The following RARB variants were observed in gnomAD, a reference collection of about 807,000 sequenced individuals.
RARB encodes HBV-activated protein.
A neutral mutation model predicts 51.9 loss-of-function variants in RARB; 17 were observed. The observed-to-expected ratio is 0.33, with a 90% CI of 0.22 to 0.49. The LOEUF (loss-of-function observed/expected upper bound fraction) is 0.49. RARB is among the 20% of genes least tolerant of loss of function. The pLI is 0.99. For missense variants in RARB, 369 were observed against 550.8 expected (o/e 0.67, Z 3.30); for synonymous variants, 215 against 195.4 (o/e 1.10, Z -0.84).
intron 5 of RARB, among the ~76,000 whole-genome samples, chr3:25,384,369 T>C (rs140305564): frequency 2.5e-4 from 38 of 152,320 alleles, no homozygotes; most frequent in African/African-American, 8.7e-4. Context: ...TATTAACCGA[T>C]AGGGTGGAAT....
chr3:25,268,229 C>A (rs1283588779), intron 5 of RARB, among the ~76,000 whole-genome samples: 1 of 151,880 alleles, frequency 6.6e-6, no homozygotes. Context: ...TACTTTTTTT[C>A]TTTTTTTAGG....
intron 2 of RARB, among the ~76,000 whole-genome samples, chr3:24,885,950 A>G (rs1310482732): frequency 1.3e-5 from 2 of 152,176 alleles, no homozygotes; most frequent in Non-Finnish European, 2.9e-5. Context: ...CTCATATATT[A>G]TACTGTACTT....
chr3:25,033,833 C>T (rs1460227771), intron 2 of RARB, among the ~76,000 whole-genome samples: 3 of 152,178 alleles, frequency 2.0e-5, no homozygotes, highest in Non-Finnish European at 2.9e-5. Flanking sequence ...TATTTGTTAG[C>T]TTAAATCTCC....
chr3:25,593,388 G>A lies in RARB; in HGVS notation c.787-115G>A, dbSNP rs1479442353. 1.7e-5 allele frequency: 16 copies of A among 950,222 alleles called. No homozygotes were observed. In the South Asian group the frequency reaches 2.1e-4, roughly 12 times the overall value. 58.9% of individuals were successfully genotyped at this position (950,222 alleles called of 1,614,324 possible). On this transcript the variant is annotated intron_variant, in intron 5 of 7. Transcript: ENST00000330688. Reference sequence around the variant, plus strand: ...GAAGACATTCAACATGTGAAAGGGGGACAGACTGCCCCAAGAGCTCCTTGG... The same window carrying A: ...GAAGACATTCAACATGTGAAAGGGGAACAGACTGCCCCAAGAGCTCCTTGG...
At chr3:24,851,751 C>T (rs1251160781) in intron 1 of RARB, among the ~76,000 whole-genome samples, 1 of 152,186 alleles carries the variant, frequency 6.6e-6, no homozygotes, top group African/African-American at 2.4e-5. Flanking sequence ...CTTTGATTGT[C>T]ATAAATATCT....
intron 5 of RARB, among the ~76,000 whole-genome samples, chr3:25,401,117 A>T (rs1427418761): frequency 1.3e-5 from 2 of 152,190 alleles, no homozygotes; most frequent in Admixed American, 1.3e-4. Flanking sequence ...ATGGTGCCAG[A>T]AAGACAAAAC....
intron 2 of RARB, among the ~76,000 whole-genome samples, chr3:24,958,255 GTTTTTTTT>G (rs71057692): frequency 1.6e-4 from 11 of 69,444 alleles, no homozygotes; most frequent in Admixed American, 2.2e-4. Flanking sequence ...AGCTGCTCAG[GTTTTTTTT>G]TTTTTTTTTT....
chr3:25,171,643 TAAAAAA>T (rs770248970), intron 4 of RARB, among the ~76,000 whole-genome samples: 9 of 45,462 alleles, frequency 2.0e-4, no homozygotes, highest in Non-Finnish European at 3.2e-4. Flanking sequence ...CCCTGGTTGG[TAAAAAA>T]AAAAAAAAAA....
chr3:25,413,106 A>G (rs1055953899), intron 5 of RARB, among the ~76,000 whole-genome samples: 11 of 152,168 alleles, frequency 7.2e-5, no homozygotes, highest in African/African-American at 2.7e-4. Context: ...AATCCTGACT[A>G]AAACATAACC....
intron 5 of RARB, among the ~76,000 whole-genome samples, chr3:25,330,772 T>C (rs1029705831): frequency 2.6e-5 from 4 of 151,970 alleles, no homozygotes; most frequent in African/African-American, 9.7e-5. Context: ...GAGACCCATC[T>C]CACGTGCAGA....
intron 5 of RARB, among the ~76,000 whole-genome samples, chr3:25,376,351 C>G (rs59064731): frequency 0.041 from 6,225 of 152,236 alleles, 143 homozygotes; most frequent in Middle Eastern, 0.065. Context: ...GGACACAAGT[C>G]CAATTTGTCT....
At chr3:25,008,937 C>T (rs765698662) in intron 2 of RARB, among the ~76,000 whole-genome samples, 2 of 152,148 alleles carry the variant, frequency 1.3e-5, no homozygotes, top group Non-Finnish European at 2.9e-5. Flanking sequence ...TTACTAGTAA[C>T]AACAACTATA....
chr3:25,010,645 A>G (rs992119492), intron 2 of RARB, among the ~76,000 whole-genome samples: 18 of 151,970 alleles, frequency 1.2e-4, no homozygotes, highest in Admixed American at 1.1e-3. Context: ...TTTAACCCCC[A>G]CAGTACCCCT....
intron 2 of RARB, among the ~76,000 whole-genome samples, chr3:24,909,682 T>G (rs1215514245): frequency 6.6e-6 from 1 of 152,124 alleles, no homozygotes; most frequent in Non-Finnish European, 1.5e-5. Flanking sequence ...TCAGTTTTAT[T>G]TACTAGGGAT....
At chr3:24,876,088 C>T (rs1317360663) in intron 2 of RARB, among the ~76,000 whole-genome samples, 1 of 152,114 alleles carries the variant, frequency 6.6e-6, no homozygotes. Context: ...GTGCCCTTTT[C>T]AGGGCATCAT....
chr3:25,064,712 T>C (rs909453196), intron 3 of RARB, among the ~76,000 whole-genome samples: 1 of 152,164 alleles, frequency 6.6e-6, no homozygotes, highest in Non-Finnish European at 1.5e-5. Context: ...TCTGAGACCA[T>C]GTAGCTAGAA....
chr3:25,428,100 C>T (rs1708050027), upstream of RARB, among the ~76,000 whole-genome samples: 1 of 152,188 alleles, frequency 6.6e-6, no homozygotes, highest in African/African-American at 2.4e-5. Flanking sequence ...GCCTGCCTCT[C>T]TGGCTGTCTG....
intron 5 of RARB, among the ~76,000 whole-genome samples, chr3:25,367,439 A>G (rs1208507201): frequency 6.6e-6 from 1 of 152,112 alleles, no homozygotes; most frequent in East Asian, 1.9e-4. Flanking sequence ...TGCTTTGGCA[A>G]AGCATCTACT....
chr3:25,053,382 G>A (rs1201072317), intron 2 of RARB, among the ~76,000 whole-genome samples: 3 of 152,108 alleles, frequency 2.0e-5, no homozygotes, highest in Non-Finnish European at 2.9e-5. Context: ...ATTGGGTTCC[G>A]TTTATATCTG....
Sources: allele counts gnomAD v4.1 joint callset (sites outside exome capture counted in the v4.1 genomes callset), GRCh38; gene constraint gnomAD v4.1.1; transcripts MANE v1.5; gene names NCBI Gene and HGNC (gene_info 2026-07-23, HGNC 2026-07-21).